The following FRMD4A variants were observed in gnomAD, a reference collection of about 807,000 sequenced individuals.
The protein encoded by FRMD4A is FERM domain containing 4A.
FRMD4A carries 29 observed loss-of-function variants against 129.1 expected under a neutral mutation model. The ratio of observed to expected loss-of-function variants is 0.22; its 90% confidence interval spans 0.17 to 0.31. The LOEUF is 0.31. FRMD4A is among the 10% of genes least tolerant of loss of function. The pLI, the probability that FRMD4A is intolerant of heterozygous loss-of-function variation, is 1.00. For synonymous variants in FRMD4A, 634 were observed against 571.6 expected (o/e 1.11, Z -1.56); for missense variants, 1,272 against 1,375.8 (o/e 0.92, Z 1.19).
At chr10:14,106,319 A>G (rs1044414905) in intron 2 of FRMD4A, among the ~76,000 whole-genome samples, 3 of 152,238 alleles carry the variant, frequency 2.0e-5, no homozygotes, top group Admixed American at 6.5e-5. Flanking sequence ...AAACACTCTT[A>G]GTAGTCATTT....
chr10:13,709,649 C>G (rs2087813384), intron 12 of FRMD4A, among the ~76,000 whole-genome samples: 1 of 152,170 alleles, frequency 6.6e-6, no homozygotes, highest in African/African-American at 2.4e-5. Context: ...ATGAAAGGGT[C>G]CTGTTGGCTG....
Position 14,084,205 on chromosome 10 carries a change from G to A in FRMD4A, c.46-225293C>T, listed in dbSNP as rs530789470. 1.2e-3 allele frequency among the ~76,000 whole-genome samples: 177 copies of A among 152,290 alleles called. 1 individual carries two copies. The highest frequency in any genetic ancestry group is 4.1e-3 in the African/African-American group (170 of 41,558). Reference sequence around the variant, plus strand: ...TCTGTTGCCCGGGCTGGAGTGCAGTGGCATGATCTTGGCTCACTGCAACCT... The same window carrying A: ...TCTGTTGCCCGGGCTGGAGTGCAGTAGCATGATCTTGGCTCACTGCAACCT... On this transcript the variant is annotated intron_variant, in intron 2 of 24. Transcript: ENST00000357447.
At chr10:14,226,202 C>A (rs1401327336) in intron 2 of FRMD4A, among the ~76,000 whole-genome samples, 1 of 152,012 alleles carries the variant, frequency 6.6e-6, no homozygotes, top group Admixed American at 6.6e-5. Context: ...GTTTGCTGCA[C>A]CTGTCAACTC....
intron 12 of FRMD4A, among the ~76,000 whole-genome samples, chr10:13,737,447 T>C (rs2090703291): frequency 6.6e-6 from 1 of 152,156 alleles, no homozygotes; most frequent in Non-Finnish European, 1.5e-5. Flanking sequence ...CCCCTGATCC[T>C]GTCCCAGAAA....
At chr10:14,257,066 C>A (rs116903956) in intron 2 of FRMD4A, among the ~76,000 whole-genome samples, 3,632 of 152,216 alleles carry the variant, frequency 0.024, 72 homozygotes, top group Non-Finnish European at 0.037. Context: ...TAGTGGCTCA[C>A]ACCTGTAATC....
intron 2 of FRMD4A, among the ~76,000 whole-genome samples, chr10:14,030,095 C>G (rs533688173): frequency 3.9e-5 from 6 of 152,076 alleles, no homozygotes; most frequent in Non-Finnish European, 8.8e-5. Flanking sequence ...TTTCCAGGAG[C>G]TGGAGGAGGG....
intron 2 of FRMD4A, among the ~76,000 whole-genome samples, chr10:13,861,200 C>T (rs915677766): frequency 1.3e-5 from 2 of 152,118 alleles, no homozygotes; most frequent in Admixed American, 6.5e-5. Context: ...ATTGTGTTCC[C>T]CTAAAACTCA....
chr10:13,707,375 C>T, intron 12 of FRMD4A: 2 of 1,158,606 alleles, frequency 1.7e-6, no homozygotes, highest in South Asian at 3.5e-5. Context: ...TTCAAGTTCT[C>T]CGCCTTCGGT....
At chr10:14,038,239 C>T (rs4748079) in intron 2 of FRMD4A, among the ~76,000 whole-genome samples, 1 of 151,768 alleles carries the variant, frequency 6.6e-6, no homozygotes, top group East Asian at 1.9e-4. Flanking sequence ...AGGAGAATGG[C>T]ATGAACCCGG....
At chr10:13,794,645 G>T (rs530313917) in intron 5 of FRMD4A, among the ~76,000 whole-genome samples, 1 of 152,314 alleles carries the variant, frequency 6.6e-6, no homozygotes, top group Admixed American at 6.5e-5. Flanking sequence ...TGGAGAAGGA[G>T]CACATTCTGC....
chr10:13,903,713 AT>A (rs778944392), intron 2 of FRMD4A, among the ~76,000 whole-genome samples: 84 of 151,642 alleles, frequency 5.5e-4, no homozygotes, highest in African/African-American at 1.9e-3. Flanking sequence ...CTCTAAAAAA[AT>A]AAAAATAAAA....
At chr10:13,816,034 G>C (rs1198746453) in intron 3 of FRMD4A, among the ~76,000 whole-genome samples, 1 of 152,154 alleles carries the variant, frequency 6.6e-6, no homozygotes, top group Non-Finnish European at 1.5e-5. Flanking sequence ...GTAGCTGCCT[G>C]GCTGGAACAA....
chr10:14,094,258 G>T (rs1836819997), intron 2 of FRMD4A, among the ~76,000 whole-genome samples: 1 of 152,254 alleles, frequency 6.6e-6, no homozygotes, highest in Non-Finnish European at 1.5e-5. Context: ...ATCCTGGGCA[G>T]ATGTTAAGGG....
intron 2 of FRMD4A, among the ~76,000 whole-genome samples, chr10:13,977,469 A>G (rs1440907670): frequency 6.6e-6 from 1 of 152,222 alleles, no homozygotes; most frequent in Non-Finnish European, 1.5e-5. Context: ...ACTCTTTGTC[A>G]GTGCTCTTAA....
intron 9 of FRMD4A, 23 bp downstream of exon 9, chr10:13,747,713 G>A (rs367802098): frequency 1.5e-6 from 2 of 1,328,680 alleles, no homozygotes; most frequent in Non-Finnish European, 2.2e-6. Context: ...ACTCGCTCCT[G>A]GGGAAGACTC....
chr10:14,032,660 T>A (rs1168121579), intron 2 of FRMD4A, among the ~76,000 whole-genome samples: 1 of 152,200 alleles, frequency 6.6e-6, no homozygotes, highest in Non-Finnish European at 1.5e-5. Context: ...GACACCACCC[T>A]AAGACGCCCA....
intron 2 of FRMD4A, among the ~76,000 whole-genome samples, chr10:13,956,900 G>A (rs916061732): frequency 1.3e-5 from 2 of 152,188 alleles, no homozygotes; most frequent in African/African-American, 4.8e-5. Flanking sequence ...TAGACGTTGA[G>A]CATTTTTGAA....
chr10:14,225,491 G>A (rs1478764232), intron 2 of FRMD4A, among the ~76,000 whole-genome samples: 1 of 152,228 alleles, frequency 6.6e-6, no homozygotes, highest in Non-Finnish European at 1.5e-5. Context: ...TGGAAACACA[G>A]TGAAAATAAC....
chr10:14,226,359 A>C (rs1037837651), intron 2 of FRMD4A, among the ~76,000 whole-genome samples: 4 of 152,186 alleles, frequency 2.6e-5, no homozygotes, highest in African/African-American at 9.7e-5. Context: ...TCACGCAGAC[A>C]CCCAAAGTTG....
Sources: gnomAD v4.1 joint callset for allele counts (sites outside exome capture counted in the v4.1 genomes callset) on GRCh38, gnomAD v4.1.1 for gene constraint, MANE v1.5 for transcripts, NCBI Gene and HGNC (gene_info 2026-07-23, HGNC 2026-07-21) for gene names.